The following MYZAP variants were observed in gnomAD, a reference collection of about 807,000 sequenced individuals.
The protein encoded by MYZAP is GRINL1A complex locus upstream.
A neutral mutation model predicts 69.4 loss-of-function variants in MYZAP; 66 were observed. The ratio of observed to expected loss-of-function variants is 0.95; its 90% CI spans 0.78 to 1.17. MYZAP has a LOEUF of 1.17. Among genes scored for constraint, MYZAP ranks in the 50% most tolerant of loss-of-function variants. The pLI is 0.00. For synonymous variants in MYZAP, 256 were observed against 205.9 expected (o/e 1.24, Z -2.09); for missense variants, 611 against 556.2 (o/e 1.10, Z -0.99).
chr15:57,644,374 A>G (rs2037332419), intron 10 of MYZAP, among the ~76,000 whole-genome samples: 1 of 152,174 alleles, frequency 6.6e-6, no homozygotes, highest in South Asian at 2.1e-4. Context: ...CTCTCTGGGC[A>G]CTGTCAGGGG....
chr15:57,623,871 A>C (rs188606278), intron 4 of MYZAP, among the ~76,000 whole-genome samples: 307 of 152,286 alleles, frequency 2.0e-3, no homozygotes, highest in African/African-American at 7.2e-3. Flanking sequence ...GACGGTGAAA[A>C]AAAGCAAGAT....
intron 11 of MYZAP, among the ~76,000 whole-genome samples, chr15:57,668,996 C>T (rs1052704061): frequency 2.0e-5 from 3 of 150,784 alleles, no homozygotes; most frequent in African/African-American, 7.3e-5. Flanking sequence ...CTTAAGTTAT[C>T]TCCTACCTCT....
intron 8 of MYZAP, among the ~76,000 whole-genome samples, chr15:57,635,367 C>T (rs936461753): frequency 6.6e-6 from 1 of 152,198 alleles, no homozygotes; most frequent in East Asian, 1.9e-4. Flanking sequence ...TGTCTACCCT[C>T]AGAGTCAGGT....
At chr15:57,639,922 C>G (rs1170584410) in intron 10 of MYZAP, among the ~76,000 whole-genome samples, 1 of 148,994 alleles carries the variant, frequency 6.7e-6, no homozygotes, top group African/African-American at 2.4e-5. Context: ...GTCTGTCTGT[C>G]TCTCTCTCTC....
chr15:57,614,977 A>T (rs759673815), intron 2 of MYZAP, among the ~76,000 whole-genome samples: 1 of 152,106 alleles, frequency 6.6e-6, no homozygotes, highest in South Asian at 2.1e-4. Flanking sequence ...TTTCTTCTTC[A>T]CTTTTCCTGT....
chr15:57,612,580 T>A lies in MYZAP; in HGVS notation c.163-5453T>A, dbSNP rs559530458. On this transcript the variant is annotated intron_variant, in intron 2 of 12. Transcript: ENST00000267853. ...GAATAAGGCAGATGTTGTCCCTGGC[T>A]TTTTGGAGCTTGTTGCATTGTAGGA... is the stretch of plus-strand genomic sequence containing the variant. Among the ~76,000 whole-genome samples, 3 of 152,350 alleles carry A rather than the reference T, an allele frequency of 2.0e-5. 1 individual carries two copies. In the East Asian group the frequency reaches 5.8e-4, roughly 29 times the overall value.
At chr15:57,639,318 A>T (rs998516280) in intron 9 of MYZAP, 122 bp from the exon 10 acceptor site, 3 of 1,057,970 alleles carry the variant, frequency 2.8e-6, no homozygotes, top group Admixed American at 4.4e-5. Context: ...AAGTGTTGGG[A>T]TTACAGGCAT....
chr15:57,660,852 A>G (rs2038257409), intron 10 of MYZAP, among the ~76,000 whole-genome samples: 1 of 152,142 alleles, frequency 6.6e-6, no homozygotes, highest in Admixed American at 6.6e-5. Flanking sequence ...AAAAACAAAG[A>G]TGGATCTTTT....
At position 57,623,218 on chromosome 15, in the gene MYZAP, G is replaced by C. The variant is rs548523211; in HGVS notation, c.411+1518G>C. On this transcript the variant is annotated intron_variant, in intron 4 of 12. Coordinates refer to ENST00000267853, the MANE Select transcript of MYZAP (RefSeq NM_001018100.5). ...TTCACAGGCCTGTGGGCAAAGAAGAGGGTTGCTGATGAAAATGCAATTTGC... is the reference window on the plus strand; with the variant it reads ...TTCACAGGCCTGTGGGCAAAGAAGACGGTTGCTGATGAAAATGCAATTTGC... 1.7e-4 allele frequency among the ~76,000 whole-genome samples: 26 copies of C among 152,280 alleles called. No individual in the cohort carries two copies. In the East Asian group the frequency reaches 4.4e-3, roughly 26 times the overall value.
rs569339518 is a variant in MYZAP at position 57,651,842 on chromosome 15, G to GACA, written c.1120-9607_1120-9605dup. Among the ~76,000 whole-genome samples, 30 of 152,274 alleles carry GACA rather than the reference G, an allele frequency of 2.0e-4. 1 individual carries two copies. In the South Asian group the frequency reaches 6.0e-3, roughly 31 times the overall value. ...GGAAGCAGTTTAACCGTCCTTCCCT[G>GACA]ACATTTGTACAGCCAAGTCATGTTT... On this transcript the variant is annotated intron_variant, in intron 10 of 12. Transcript: ENST00000267853.
chr15:57,591,943 C>T lies in MYZAP; in HGVS notation c.-92C>T. The T allele has an allele frequency of 2.5e-6, 3 of 1,181,522 alleles. No homozygotes were observed. Among genetic ancestry groups the T allele is most frequent in the Non-Finnish European group, 3.2e-6 (3 of 941,564 alleles). 73.2% of individuals were successfully genotyped at this position (1,181,522 alleles called of 1,614,324 possible). ...TGAGGCTGCAAGTAGCCGGCGCCGT[C>T]CCGCGTCGCCCCCGCGCAGGGCGGG... On this transcript the variant is annotated 5_prime_UTR_variant, in exon 1 of 13. Coordinates refer to ENST00000267853, the MANE Select transcript of MYZAP (RefSeq NM_001018100.5).
At chr15:57,623,510 A>C (rs1276518776) in intron 4 of MYZAP, among the ~76,000 whole-genome samples, 1 of 152,162 alleles carries the variant, frequency 6.6e-6, no homozygotes, top group Non-Finnish European at 1.5e-5. Context: ...AGGCAGGTGG[A>C]TCATTTGAGG....
intron 3 of MYZAP, among the ~76,000 whole-genome samples, chr15:57,619,430 G>C (rs2035675396): frequency 6.6e-6 from 1 of 152,168 alleles, no homozygotes; most frequent in African/African-American, 2.4e-5. Flanking sequence ...ACAGCTCACT[G>C]TGGCGACACA....
At chr15:57,618,230 T>A (rs374913036) in intron 3 of MYZAP, 42 bp downstream of exon 3, 34 of 1,603,258 alleles carry the variant, frequency 2.1e-5, no homozygotes, top group Non-Finnish European at 2.7e-5. Flanking sequence ...TGTATTCTTT[T>A]TGTAGCATGC....
chr15:57,628,997 C>T (rs2554037), intron 5 of MYZAP, among the ~76,000 whole-genome samples: 51,855 of 150,190 alleles, frequency 0.35, 9,335 homozygotes, highest in African/African-American at 0.46. Flanking sequence ...GCAGGAGAAT[C>T]GCTTGAACCT....
chr15:57,666,699 A>G (rs1406108650), intron 11 of MYZAP, among the ~76,000 whole-genome samples: 4 of 152,110 alleles, frequency 2.6e-5, no homozygotes, highest in Non-Finnish European at 4.4e-5. Flanking sequence ...AAAAGGTCTG[A>G]AAAACCACCT....
intron 8 of MYZAP, among the ~76,000 whole-genome samples, chr15:57,634,596 G>A (rs1409071609): frequency 6.6e-6 from 1 of 152,192 alleles, no homozygotes; most frequent in Non-Finnish European, 1.5e-5. Flanking sequence ...GCTGAGAAGA[G>A]GTCGCCTTAG....
At chr15:57,649,399 G>A (rs1023778726) in intron 10 of MYZAP, among the ~76,000 whole-genome samples, 10 of 152,128 alleles carry the variant, frequency 6.6e-5, no homozygotes, top group African/African-American at 2.4e-4. Flanking sequence ...TTAGGAAATG[G>A]CATCTCATTG....
intron 2 of MYZAP, among the ~76,000 whole-genome samples, chr15:57,607,891 C>A (rs1045703484): frequency 2.6e-5 from 4 of 152,162 alleles, no homozygotes; most frequent in African/African-American, 9.7e-5. Flanking sequence ...AGGGCCAGGG[C>A]CATGCACTGT....
Sources: allele counts gnomAD v4.1 joint callset (sites outside exome capture counted in the v4.1 genomes callset), GRCh38; gene constraint gnomAD v4.1.1; transcripts MANE v1.5; gene names NCBI Gene and HGNC (gene_info 2026-07-23, HGNC 2026-07-21).